Variants in ASAP1 observed in about 807,000 individuals in gnomAD.
The protein encoded by ASAP1 is arf-GAP with SH3 domain, ANK repeat and PH domain-containing protein 1.
In ASAP1, 43 loss-of-function variants were observed where a neutral mutation model predicts 145.2. The ratio of observed to expected loss-of-function variants is 0.30; its 90% confidence interval spans 0.23 to 0.38. ASAP1 has a LOEUF of 0.38. Ranked by LOEUF, ASAP1 falls within the 10% of genes least tolerant of loss-of-function variation. The pLI is 1.00. For missense variants in ASAP1, 1,018 were observed against 1,355.3 expected, an observed-to-expected ratio of 0.75 and a Z score of 3.91; for synonymous variants, 546 against 515.5, an observed-to-expected ratio of 1.06 and a Z score of -0.80.
In ASAP1 at chr8:130,072,790, G is replaced by GGTGTGTGTGTGTGT. The variant is rs142924621; in HGVS notation, c.2701+3557_2701+3558insACACACACACACAC. On this transcript the variant is annotated intron_variant, in intron 27 of 29. Coordinates refer to ENST00000518721, the MANE Select transcript of ASAP1 (RefSeq NM_018482.4). The stretch of plus-strand genomic sequence containing the variant: ...GTTCTGAAGGCCTGGACTTGCAATT[G>GGTGTGTGTGTGTGT]ATATGTGTGTGTGTGTGTGTGTGTG... 4.3e-3 allele frequency among the ~76,000 whole-genome samples: 283 copies of GGTGTGTGTGTGTGT among 66,032 alleles called. 27 individuals are homozygous for GGTGTGTGTGTGTGT. The highest frequency in any genetic ancestry group is 0.017 in the Middle Eastern group (2 of 120). The allele number at this position is 66,032 out of a possible 152,430, so 43.3% of individuals were successfully genotyped here.
chr8:130,312,227 T>C (rs1823400302), intron 3 of ASAP1, among the ~76,000 whole-genome samples: 1 of 150,162 alleles, frequency 6.7e-6, no homozygotes, highest in African/African-American at 2.5e-5. Flanking sequence ...TAGTGAGCTG[T>C]GATCACGCCA....
intron 3 of ASAP1, among the ~76,000 whole-genome samples, chr8:130,334,687 T>C (rs946223903): frequency 1.3e-5 from 2 of 152,242 alleles, no homozygotes; most frequent in African/African-American, 4.8e-5. Flanking sequence ...AAGTGTGTAG[T>C]GATTTCCTGT....
At chr8:130,177,985 A>T (rs1034081109) in intron 9 of ASAP1, among the ~76,000 whole-genome samples, 1 of 152,196 alleles carries the variant, frequency 6.6e-6, no homozygotes, top group African/African-American at 2.4e-5. Flanking sequence ...CCTGATTAAG[A>T]ATACAGTTAA....
intron 3 of ASAP1, among the ~76,000 whole-genome samples, chr8:130,281,507 A>G (rs1376435659): frequency 1.3e-5 from 2 of 152,202 alleles, no homozygotes; most frequent in Non-Finnish European, 2.9e-5. Flanking sequence ...TTATATCTCC[A>G]AGTCTAGGTA....
intron 1 of ASAP1, among the ~76,000 whole-genome samples, chr8:130,441,964 T>C (rs1391336876): frequency 1.3e-5 from 2 of 152,198 alleles, no homozygotes; most frequent in African/African-American, 2.4e-5. Context: ...TGGGAGTTTC[T>C]ATTTTGCACA....
chr8:130,115,682 C>T lies in ASAP1; in HGVS notation c.2118G>A (p.Glu706=), dbSNP rs369858887. The change falls in exon 23 of 30, where the codon GAG becomes GAA. Residue 706 remains glutamate (E), a synonymous_variant. Transcript: ENST00000518721. ...CTATCTCCTCCTGTCGAAGATTCCA[C>T]TCATATTCTACGTGGACGTGTGGAT... is the stretch of plus-strand genomic sequence containing the variant. The part of the protein sequence containing the change: ...KFNPHVHVEY[E]WNLRQEEIDE... 2 of 1,614,098 alleles carry T rather than the reference C, an allele frequency of 1.2e-6. No individual in the cohort carries two copies. The highest frequency in any genetic ancestry group is 1.7e-6 in the Non-Finnish European group (2 of 1,180,044).
chr8:130,322,012 T>C (rs1294091074), intron 3 of ASAP1, among the ~76,000 whole-genome samples: 1 of 152,242 alleles, frequency 6.6e-6, no homozygotes, highest in Non-Finnish European at 1.5e-5. Flanking sequence ...AAATATGCAT[T>C]GCAAAGTGCT....
At chr8:130,369,551 A>G (rs1049632885) in intron 2 of ASAP1, among the ~76,000 whole-genome samples, 1 of 152,196 alleles carries the variant, frequency 6.6e-6, no homozygotes, top group African/African-American at 2.4e-5. Context: ...ACTAATTTAA[A>G]AGTGGACAAA....
At chr8:130,090,978 A>C (rs959618299) in intron 25 of ASAP1, among the ~76,000 whole-genome samples, 1 of 152,222 alleles carries the variant, frequency 6.6e-6, no homozygotes, top group African/African-American at 2.4e-5. Flanking sequence ...AGCTTCTGTG[A>C]GTGTCTGTCA....
intron 13 of ASAP1, among the ~76,000 whole-genome samples, chr8:130,143,664 A>C (rs529388278): frequency 6.6e-6 from 1 of 152,312 alleles, no homozygotes; most frequent in African/African-American, 2.4e-5. Context: ...TTTAGCTAGG[A>C]AAATCATCAA....
In ASAP1 at chr8:130,126,088, T is replaced by C. The variant is rs368726713; in HGVS notation, c.1383A>G (p.Glu461=). 23 of 1,603,574 alleles carry C rather than the reference T, an allele frequency of 1.4e-5. No homozygotes were observed. In the African/African-American group the frequency reaches 3.1e-4, roughly 22 times the overall value. ...NDICCDCGSS[E]PTWLSTNLGI... Reference sequence around the variant, plus strand: ...CCAAGTTGGTTGAAAGCCAGGTGGGTTCTGTGGAAAGAATGTTGAAGACAA... The same window carrying C: ...CCAAGTTGGTTGAAAGCCAGGTGGGCTCTGTGGAAAGAATGTTGAAGACAA... Residue 461 remains glutamate (E), a splice_region_variant and synonymous_variant, in exon 17 of 30, where the codon GAA becomes GAG. Transcript: ENST00000518721.
intron 7 of ASAP1, among the ~76,000 whole-genome samples, 181 bp from the exon 8 acceptor site, chr8:130,181,061 T>TG (rs904840469): frequency 2.4e-5 from 3 of 124,844 alleles, no homozygotes; most frequent in African/African-American, 9.3e-5. Context: ...TGTGCATGTG[T>TG]GGGGGGAGGG....
chr8:130,115,746 C>T lies in ASAP1; in HGVS notation c.2065-11G>A. The T allele has an allele frequency of 1.3e-6, 2 of 1,578,380 alleles. No homozygotes were observed. Among genetic ancestry groups the T allele is most frequent in the Non-Finnish European group, 8.7e-7 (1 of 1,148,470 alleles). The stretch of plus-strand genomic sequence containing the variant: ...TTTAGCCTGGGAAAGCTGGAAGGAA[C>T]AGCAAATGTGCACCATTTTAATTTA... On this transcript the variant is annotated splice_polypyrimidine_tract_variant and intron_variant, in intron 22 of 29. Coordinates refer to ENST00000518721, the MANE Select transcript of ASAP1 (RefSeq NM_018482.4).
intron 1 of ASAP1, among the ~76,000 whole-genome samples, chr8:130,435,390 C>G (rs535386655): frequency 6.6e-6 from 1 of 152,226 alleles, no homozygotes; most frequent in Non-Finnish European, 1.5e-5. Context: ...AGACTTGGTG[C>G]TAGGCACTAG....
rs1211835602 is a variant in ASAP1 at position 130,188,160 on chromosome 8, C to A, written c.429G>T (p.Val143=). The A allele has an allele frequency of 3.1e-6, 5 of 1,613,848 alleles. No individual in the cohort carries two copies. Among genetic ancestry groups the A allele is most frequent in the South Asian group, 2.2e-5 (2 of 91,070 alleles). Residue 143 remains valine, a synonymous_variant, in exon 6 of 30, where the codon GTG becomes GTT. Coordinates refer to ENST00000518721, the MANE Select transcript of ASAP1 (RefSeq NM_018482.4). ...KNLLQGLSHN[V]IFTLDSLLKG... is the part of the protein sequence containing the mutation. ...TTAACAAAGAATCCAAGGTGAAGAT[C>A]ACATTGTGGCTCAAACCCTGGAGCT...
intron 2 of ASAP1, chr8:130,360,948 T>C (rs1826682690): frequency 6.6e-6 from 1 of 152,582 alleles, no homozygotes; most frequent in African/African-American, 2.4e-5. Context: ...CCCATGCTAG[T>C]TGAGCTAATT....
intron 3 of ASAP1, among the ~76,000 whole-genome samples, chr8:130,353,064 T>C (rs1412550979): frequency 6.6e-6 from 1 of 152,242 alleles, no homozygotes; most frequent in Non-Finnish European, 1.5e-5. Flanking sequence ...CATGGTAATT[T>C]GAGTGATTTC....
At chr8:130,324,031 T>C (rs933393780) in intron 3 of ASAP1, among the ~76,000 whole-genome samples, 4 of 152,198 alleles carry the variant, frequency 2.6e-5, no homozygotes, top group South Asian at 2.1e-4. Flanking sequence ...TCAAAATGTA[T>C]TGGGCCACCC....
chr8:130,147,115 T>C (rs1455133576), intron 13 of ASAP1, among the ~76,000 whole-genome samples: 2 of 137,780 alleles, frequency 1.5e-5, no homozygotes, highest in Non-Finnish European at 3.0e-5. Flanking sequence ...TAGTCCCAGC[T>C]ACTCAGGAGG....
Sources: gnomAD v4.1 joint callset for allele counts (sites outside exome capture counted in the v4.1 genomes callset) on GRCh38, gnomAD v4.1.1 for gene constraint, MANE v1.5 for transcripts, NCBI Gene and HGNC (gene_info 2026-07-23, HGNC 2026-07-21) for gene names.